The following XYLT1 variants were observed in gnomAD, a reference collection of about 807,000 sequenced individuals.
XYLT1 encodes beta-D-xylosyltransferase 1.
A neutral mutation model predicts 91.3 loss-of-function variants in XYLT1; 36 were observed. The observed-to-expected ratio is 0.39, with a 90% CI of 0.30 to 0.52. The LOEUF is 0.52. Among genes scored for constraint, XYLT1 ranks in the 20% least tolerant of loss-of-function variants. The probability of loss-of-function intolerance (pLI) is 0.68; values close to 1 mark genes in which losing one functional copy is unlikely to be tolerated. For synonymous variants in XYLT1, 588 were observed against 532.0 expected (o/e 1.11, Z -1.45); for missense variants, 1,242 against 1,284.5 (o/e 0.97, Z 0.51).
chr16:17,383,530 C>T (rs560044903), intron 1 of XYLT1, among the ~76,000 whole-genome samples: 66 of 151,978 alleles, frequency 4.3e-4, no homozygotes, highest in Non-Finnish European at 8.7e-4. Flanking sequence ...GTCTGACATA[C>T]GGTCCTGGCT....
At chr16:17,250,492 G>A (rs1225852504) in intron 3 of XYLT1, 1 of 152,238 alleles carries the variant, frequency 6.6e-6, no homozygotes, top group Non-Finnish European at 1.5e-5. Context: ...TTGAATAGCT[G>A]AGACAGAGAC....
At chr16:17,467,969 C>T (rs1010495524) in intron 1 of XYLT1, among the ~76,000 whole-genome samples, 3 of 152,206 alleles carry the variant, frequency 2.0e-5, no homozygotes, top group East Asian at 1.9e-4. Flanking sequence ...AAATGTCCCA[C>T]TCCTGAATCT....
At chr16:17,237,951 T>C (rs2033274622) in intron 3 of XYLT1, among the ~76,000 whole-genome samples, 1 of 152,240 alleles carries the variant, frequency 6.6e-6, no homozygotes, top group African/African-American at 2.4e-5. Context: ...GCATTAGCAG[T>C]TCAGCAAACA....
chr16:17,347,267 G>A (rs2035156880), intron 2 of XYLT1, among the ~76,000 whole-genome samples: 1 of 152,172 alleles, frequency 6.6e-6, no homozygotes, highest in South Asian at 2.1e-4. Flanking sequence ...CTGTCTGTCT[G>A]CTCTGGGGGC....
intron 2 of XYLT1, among the ~76,000 whole-genome samples, chr16:17,328,548 C>CAAAAAAAAAAAAAAAAAAAAAAA (rs71373105): frequency 2.0e-5 from 1 of 51,182 alleles, no homozygotes; most frequent in African/African-American, 4.5e-5. Context: ...GACTCCTTCT[C>CAAAAAAAAAAAAAAAAAAAAAAA]AAAAAAAAAA....
intron 6 of XYLT1, among the ~76,000 whole-genome samples, chr16:17,151,782 G>C (rs771346964): frequency 2.0e-5 from 3 of 152,156 alleles, no homozygotes; most frequent in Non-Finnish European, 4.4e-5. Flanking sequence ...GGCAGATGGG[G>C]TTCAGGCCAG....
chr16:17,427,876 A>G (rs1204563125), intron 1 of XYLT1, among the ~76,000 whole-genome samples: 3 of 151,910 alleles, frequency 2.0e-5, no homozygotes, highest in Non-Finnish European at 4.4e-5. Flanking sequence ...AAATCATCTC[A>G]GCCACACTCT....
At position 17,328,548 on chromosome 16, in the gene XYLT1, CAAAAAAAAAA is replaced by C. The variant is rs71373105; in HGVS notation, c.402+29454_402+29463del. Among the ~76,000 whole-genome samples the C allele has an allele frequency of 4.8e-3, 248 of 51,244 alleles. 1 individual carries two copies. The highest frequency in any genetic ancestry group is 7.0e-3 in the Non-Finnish European group (142 of 20,418). 33.6% of individuals were successfully genotyped at this position (51,244 alleles called of 152,430 possible). The stretch of plus-strand genomic sequence containing the variant: ...TGGGTGACTGAGCAAGACTCCTTCT[CAAAAAAAAAA>C]AAAAAAAAAAAAAAAAAAGAAGGTG... On this transcript the variant is annotated intron_variant, in intron 2 of 11. Transcript: ENST00000261381.
intron 1 of XYLT1, among the ~76,000 whole-genome samples, chr16:17,465,034 C>G (rs1031188831): frequency 6.7e-6 from 1 of 148,158 alleles, no homozygotes; most frequent in Non-Finnish European, 1.5e-5. Flanking sequence ...ATCCCAGCTA[C>G]TCAGGAGGCT....
intron 3 of XYLT1, among the ~76,000 whole-genome samples, chr16:17,258,670 C>T (rs895833030): frequency 1.4e-4 from 22 of 152,234 alleles, no homozygotes; most frequent in African/African-American, 2.9e-4. Context: ...GAAAGAGAAA[C>T]GAAACCATAT....
intron 1 of XYLT1, among the ~76,000 whole-genome samples, chr16:17,445,641 C>G (rs1215617004): frequency 6.6e-5 from 10 of 152,228 alleles, no homozygotes; most frequent in African/African-American, 9.6e-5. Flanking sequence ...GGAGGCTCCT[C>G]TGTGGCCTCA....
At position 17,108,622 on chromosome 16, in the gene XYLT1, G is replaced by T. The variant is rs1966810631; in HGVS notation, c.*73C>A. The T allele has an allele frequency of 1.4e-6, 2 of 1,425,906 alleles. No individual in the cohort carries two copies. The highest frequency in any genetic ancestry group is 1.5e-5 in the South Asian group (1 of 67,042). The allele number at this position is 1,425,906 out of a possible 1,614,324, so 88.3% of individuals were successfully genotyped here. On this transcript the variant is annotated 3_prime_UTR_variant, in exon 12 of 12. Coordinates refer to ENST00000261381, the MANE Select transcript of XYLT1 (RefSeq NM_022166.4). The stretch of plus-strand genomic sequence containing the variant: ...GGCCTCCCCCAGGGTGGGAGGCCGG[G>T]GTTCAGGCCCCACAACCCCTCTGGC...
chr16:17,462,413 A>G lies in XYLT1; in HGVS notation c.363+8021T>C, dbSNP rs1478734429. On this transcript the variant is annotated intron_variant, in intron 1 of 11. Transcript: ENST00000261381. Reference sequence around the variant, plus strand: ...GGGCTAAGGTGACACCCCACCCCACACCCATCTTCTTTGTGATGCCTCTGG... The same window carrying G: ...GGGCTAAGGTGACACCCCACCCCACGCCCATCTTCTTTGTGATGCCTCTGG... Among the ~76,000 whole-genome samples the G allele has an allele frequency of 2.0e-5, 3 of 151,864 alleles. No homozygotes were observed. The East Asian group carries it at 5.8e-4, about 29-fold the overall frequency.
chr16:17,138,689 T>C (rs775668644), intron 7 of XYLT1, 158 bp from the exon 8 acceptor site: 30 of 737,878 alleles, frequency 4.1e-5, no homozygotes, highest in Non-Finnish European at 6.4e-5. Flanking sequence ...CCTGTACAGC[T>C]TGCAGAACTG....
At chr16:17,155,970 A>C (rs376378412) in intron 6 of XYLT1, among the ~76,000 whole-genome samples, 1 of 152,342 alleles carries the variant, frequency 6.6e-6, no homozygotes, top group African/African-American at 2.4e-5. Context: ...ATTTAGTTCT[A>C]TGCTTATCAT....
chr16:17,223,769 A>G (rs751448704), intron 3 of XYLT1, among the ~76,000 whole-genome samples: 3 of 152,226 alleles, frequency 2.0e-5, no homozygotes, highest in Non-Finnish European at 4.4e-5. Flanking sequence ...CTGTGTTCCA[A>G]TAAAATTTGA....
At chr16:17,186,077 G>A (rs2032176157) in intron 5 of XYLT1, among the ~76,000 whole-genome samples, 1 of 152,048 alleles carries the variant, frequency 6.6e-6, no homozygotes, top group Admixed American at 6.6e-5. Flanking sequence ...ACATTCAGTT[G>A]ATCTGGAACG....
At chr16:17,441,457 TAC>T (rs2036531363) in intron 1 of XYLT1, among the ~76,000 whole-genome samples, 1 of 152,166 alleles carries the variant, frequency 6.6e-6, no homozygotes, top group African/African-American at 2.4e-5. Flanking sequence ...CTGATTCTCT[TAC>T]AGTCACAGGC....
At chr16:17,239,589 GTCCGTCCATCCA>G (rs2033312528) in intron 3 of XYLT1, among the ~76,000 whole-genome samples, 1 of 139,828 alleles carries the variant, frequency 7.2e-6, no homozygotes, top group South Asian at 2.3e-4. Flanking sequence ...CACTCACCTA[GTCCGTCCATCCA>G]TCCATCCATC....
Sources: allele counts gnomAD v4.1 joint callset (sites outside exome capture counted in the v4.1 genomes callset), GRCh38; gene constraint gnomAD v4.1.1; transcripts MANE v1.5; gene names NCBI Gene and HGNC (gene_info 2026-07-23, HGNC 2026-07-21).